Variants in LRRC7 observed in about 807,000 individuals in gnomAD.
The protein encoded by LRRC7 is leucine-rich repeat-containing protein 7.
A neutral mutation model predicts 175.7 loss-of-function variants in LRRC7; 23 were observed. The ratio of observed to expected loss-of-function variants is 0.13; its 90% CI spans 0.09 to 0.19. The LOEUF is 0.19. Ranked by LOEUF, LRRC7 falls within the 10% of genes least tolerant of loss-of-function variation. LRRC7 has a pLI of 1.00. For missense variants in LRRC7, 1,354 were observed against 1,904.7 expected (o/e 0.71, Z 5.38); for synonymous variants, 685 against 680.9 (o/e 1.01, Z -0.09).
chr1:69,752,983 T>C (rs965092469), intron 2 of LRRC7, among the ~76,000 whole-genome samples: 1 of 152,130 alleles, frequency 6.6e-6, no homozygotes, highest in Non-Finnish European at 1.5e-5. Flanking sequence ...GGAAACCGGA[T>C]TGTTACTGAC....
intron 2 of LRRC7, among the ~76,000 whole-genome samples, chr1:69,719,471 TA>T (rs1185234552): frequency 6.6e-6 from 1 of 151,654 alleles, no homozygotes; most frequent in African/African-American, 2.4e-5. Context: ...CAAATAGGAC[TA>T]AGAAGAAAAT....
At chr1:69,858,092 C>T (rs1683914590) in intron 7 of LRRC7, among the ~76,000 whole-genome samples, 1 of 152,114 alleles carries the variant, frequency 6.6e-6, no homozygotes, top group African/African-American at 2.4e-5. Flanking sequence ...CTTCCTTACA[C>T]CTTATACAAA....
At chr1:69,654,765 A>G (rs1308505731) in intron 1 of LRRC7, among the ~76,000 whole-genome samples, 1 of 152,132 alleles carries the variant, frequency 6.6e-6, no homozygotes, top group Non-Finnish European at 1.5e-5. Context: ...AGTGAGACAA[A>G]AGTTGAGACA....
intron 4 of LRRC7, among the ~76,000 whole-genome samples, chr1:69,809,269 G>A (rs749643058): frequency 2.6e-5 from 4 of 152,174 alleles, no homozygotes; most frequent in Non-Finnish European, 5.9e-5. Context: ...TTCTGAAATT[G>A]AGGCAATAAT....
chr1:69,933,293 C>T (rs770454569), intron 8 of LRRC7, among the ~76,000 whole-genome samples: 1 of 152,174 alleles, frequency 6.6e-6, no homozygotes, highest in Non-Finnish European at 1.5e-5. Context: ...GGCCTCAACA[C>T]AGATATTAAG....
At chr1:69,631,547 C>G (rs1327654094) in intron 1 of LRRC7, among the ~76,000 whole-genome samples, 1 of 151,980 alleles carries the variant, frequency 6.6e-6, no homozygotes. Flanking sequence ...ATGGCCAGGG[C>G]CCCAGGGAGG....
Position 69,799,313 on chromosome 1 carries a change from T to C in LRRC7, c.421+7153T>C, listed in dbSNP as rs1404384484. ...TTTAGTATAACCATCATCCAAATAA[T>C]GTACATTGTACTCATTAAGTAATTT... On this transcript the variant is annotated intron_variant, in intron 4 of 26. Transcript: ENST00000651989. Among the ~76,000 whole-genome samples the C allele has an allele frequency of 2.0e-5, 3 of 152,092 alleles. No homozygotes were observed. The East Asian group carries it at 5.8e-4, about 29-fold the overall frequency.
intron 4 of LRRC7, among the ~76,000 whole-genome samples, chr1:69,796,523 G>A (rs951919370): frequency 1.3e-4 from 19 of 152,000 alleles, no homozygotes; most frequent in African/African-American, 2.9e-4. Context: ...AGTGGCTCAC[G>A]CCTGTAATCC....
chr1:69,743,406 C>G (rs1248567974), intron 2 of LRRC7, among the ~76,000 whole-genome samples: 2 of 151,982 alleles, frequency 1.3e-5, no homozygotes, highest in African/African-American at 4.8e-5. Flanking sequence ...AAAACACTTG[C>G]AAAAGCACGG....
At chr1:69,975,913 C>A (rs1490605120) in intron 8 of LRRC7, among the ~76,000 whole-genome samples, 1 of 151,392 alleles carries the variant, frequency 6.6e-6, no homozygotes, top group Admixed American at 6.6e-5. Context: ...TTTGTACCAT[C>A]TTATCTATCT....
At chr1:69,881,177 A>G (rs1284796629) in intron 7 of LRRC7, among the ~76,000 whole-genome samples, 1 of 152,218 alleles carries the variant, frequency 6.6e-6, no homozygotes, top group Non-Finnish European at 1.5e-5. Flanking sequence ...GCTCCACTGG[A>G]TAGAAAAGTG....
At chr1:70,110,901 C>G (rs1181275178) in intron 26 of LRRC7, among the ~76,000 whole-genome samples, 2 of 152,048 alleles carry the variant, frequency 1.3e-5, no homozygotes, top group African/African-American at 4.8e-5. Context: ...ATATATAATA[C>G]TATTGTCTCT....
intron 10 of LRRC7, among the ~76,000 whole-genome samples, chr1:69,990,311 C>T (rs1654314661): frequency 1.3e-5 from 2 of 151,852 alleles, no homozygotes; most frequent in African/African-American, 4.8e-5. Context: ...GAGATGGAGA[C>T]TTGCAGAAGG....
At chr1:69,716,608 T>C (rs1247285404) in intron 2 of LRRC7, among the ~76,000 whole-genome samples, 14 of 151,912 alleles carry the variant, frequency 9.2e-5, no homozygotes, top group Non-Finnish European at 7.4e-5. Flanking sequence ...ATAAATATTA[T>C]TTTATAATAA....
chr1:69,951,607 CA>C (rs1649936869), intron 8 of LRRC7, among the ~76,000 whole-genome samples: 1 of 151,982 alleles, frequency 6.6e-6, no homozygotes, highest in African/African-American at 2.4e-5. Context: ...ACTACGCATC[CA>C]TAAAAAAGAA....
chr1:69,922,777 A>G lies in LRRC7; in HGVS notation c.648-8730A>G, dbSNP rs1390752198. ...CAATTGGTCATAGCATCCACCTCGAAATACTATTCTTTTTTTTAATTTTTT... is the reference window on the plus strand; with the variant it reads ...CAATTGGTCATAGCATCCACCTCGAGATACTATTCTTTTTTTTAATTTTTT... On this transcript the variant is annotated intron_variant, in intron 7 of 26. Coordinates refer to ENST00000651989, the MANE Select transcript of LRRC7 (RefSeq NM_001370785.2). 2.0e-5 allele frequency among the ~76,000 whole-genome samples: 3 copies of G among 151,722 alleles called. No individual in the cohort carries two copies. The South Asian group carries it at 6.3e-4, about 32-fold the overall frequency.
At chr1:70,013,509 G>T (rs376002878) in intron 13 of LRRC7, among the ~76,000 whole-genome samples, 1 of 151,938 alleles carries the variant, frequency 6.6e-6, no homozygotes. Flanking sequence ...ACTGGGCAAT[G>T]TGTATATTTT....
At chr1:70,091,520 G>C (rs999545048) in intron 25 of LRRC7, among the ~76,000 whole-genome samples, 2 of 151,842 alleles carry the variant, frequency 1.3e-5, no homozygotes, top group Admixed American at 1.3e-4. Flanking sequence ...GAAGGTACAG[G>C]GTAAAAAAAT....
intron 3 of LRRC7, among the ~76,000 whole-genome samples, chr1:69,780,788 AAC>A (rs1557717366): frequency 6.6e-6 from 1 of 152,228 alleles, no homozygotes; most frequent in East Asian, 1.9e-4. Flanking sequence ...ACTTCTAAGA[AAC>A]CAGCCATTCA....
Sources: gnomAD v4.1 joint callset for allele counts (sites outside exome capture counted in the v4.1 genomes callset) on GRCh38, gnomAD v4.1.1 for gene constraint, MANE v1.5 for transcripts, NCBI Gene and HGNC (gene_info 2026-07-23, HGNC 2026-07-21) for gene names.